Variants in PID1 observed in about 807,000 individuals in gnomAD.
PID1 encodes PTB-containing, cubilin and LRP1-interacting protein.
In PID1, 10 loss-of-function variants were observed where a neutral mutation model predicts 19.1. The ratio of observed to expected loss-of-function variants is 0.52; its 90% CI spans 0.32 to 0.89. The LOEUF (loss-of-function observed/expected upper bound fraction) is 0.89, where lower values mean the gene tolerates loss of function less well. Ranked by LOEUF, PID1 falls within the 40% of genes least tolerant of loss-of-function variation. The probability of loss-of-function intolerance (pLI) is 0.03; values close to 1 mark genes in which losing one functional copy is unlikely to be tolerated. For missense variants in PID1, 248 were observed against 285.3 expected (o/e 0.87, Z 0.94); for synonymous variants, 130 against 116.0 (o/e 1.12, Z -0.78).
At chr2:229,267,664 G>A (rs1287074872) in intron 1 of PID1, among the ~76,000 whole-genome samples, 1 of 152,152 alleles carries the variant, frequency 6.6e-6, no homozygotes, top group African/African-American at 2.4e-5. Context: ...CATTTGCTCT[G>A]AGAAAATACT....
chr2:229,247,091 A>G (rs1270401432), intron 1 of PID1, among the ~76,000 whole-genome samples: 1 of 152,238 alleles, frequency 6.6e-6, no homozygotes, highest in Non-Finnish European at 1.5e-5. Context: ...TATGGGGCAA[A>G]CTGAATACAA....
rs534366157 is a variant in PID1, at chr2:229,184,080, C to T, written c.31-28116G>A. Among the ~76,000 whole-genome samples the T allele has an allele frequency of 1.1e-3, 27 of 24,648 alleles. 13 individuals are homozygous for T. The highest frequency in any genetic ancestry group is 8.0e-3 in the African/African-American group (27 of 3,378). 16.2% of individuals were successfully genotyped at this position (24,648 alleles called of 152,430 possible). On this transcript the variant is annotated intron_variant, in intron 1 of 2. Transcript: ENST00000392055. The stretch of plus-strand genomic sequence containing the variant: ...CCATATATATATCCCATATGTATAT[C>T]CCATATATATATCCCATATGTATAT...
chr2:229,098,162 T>C (rs536169518), intron 2 of PID1, among the ~76,000 whole-genome samples: 4 of 152,330 alleles, frequency 2.6e-5, no homozygotes, highest in Admixed American at 2.6e-4. Flanking sequence ...AGGTGCGCTC[T>C]GTGCAAAACA....
intron 1 of PID1, among the ~76,000 whole-genome samples, chr2:229,164,379 G>A (rs1441461507): frequency 6.6e-6 from 1 of 152,102 alleles, no homozygotes; most frequent in South Asian, 2.1e-4. Context: ...CTAAGAGGGT[G>A]TGAGTCAGTG....
chr2:229,219,024 C>T (rs1238735684), intron 1 of PID1, among the ~76,000 whole-genome samples: 1 of 152,146 alleles, frequency 6.6e-6, no homozygotes, highest in Non-Finnish European at 1.5e-5. Context: ...CTCAAGCCAC[C>T]ACACTAATAC....
chr2:229,162,694 CTATT>C (rs1290430583), intron 1 of PID1, among the ~76,000 whole-genome samples: 4 of 152,170 alleles, frequency 2.6e-5, no homozygotes, highest in Admixed American at 6.5e-5. Context: ...CTTTGACATT[CTATT>C]TATAATCATG....
At chr2:229,060,556 T>C (rs1694190746) in intron 2 of PID1, among the ~76,000 whole-genome samples, 2 of 152,166 alleles carry the variant, frequency 1.3e-5, no homozygotes, top group African/African-American at 4.8e-5. Flanking sequence ...ATCTTGGCTA[T>C]TGCGAATAAT....
intron 2 of PID1, among the ~76,000 whole-genome samples, chr2:229,085,314 T>C (rs1256367569): frequency 6.6e-6 from 1 of 152,122 alleles, no homozygotes; most frequent in Non-Finnish European, 1.5e-5. Context: ...TCCCTTGGTC[T>C]TTCAAGAAGT....
At chr2:229,139,602 C>T (rs758038149) in intron 2 of PID1, among the ~76,000 whole-genome samples, 1 of 152,112 alleles carries the variant, frequency 6.6e-6, no homozygotes, top group Non-Finnish European at 1.5e-5. Flanking sequence ...TTCCTTTCTA[C>T]AAAGAAATCT....
chr2:229,074,271 C>A (rs753742015), intron 2 of PID1, among the ~76,000 whole-genome samples: 14 of 151,940 alleles, frequency 9.2e-5, no homozygotes, highest in Non-Finnish European at 1.6e-4. Context: ...GGAAAGAGAC[C>A]TGTCCCCAAA....
chr2:229,237,830 A>G (rs1377171199), intron 1 of PID1, among the ~76,000 whole-genome samples: 1 of 152,184 alleles, frequency 6.6e-6, no homozygotes, highest in Non-Finnish European at 1.5e-5. Flanking sequence ...CAAACCATGG[A>G]AAGGAAGTCT....
At chr2:229,215,078 TAAC>T (rs1691817015) in intron 1 of PID1, among the ~76,000 whole-genome samples, 1 of 152,140 alleles carries the variant, frequency 6.6e-6, no homozygotes, top group African/African-American at 2.4e-5. Context: ...CTCCCACAAA[TAAC>T]AACAATGTGG....
intron 2 of PID1, among the ~76,000 whole-genome samples, chr2:229,079,318 C>T (rs549468329): frequency 6.6e-6 from 1 of 152,288 alleles, no homozygotes; most frequent in African/African-American, 2.4e-5. Context: ...TTCATTGTGT[C>T]TACTTATCCT....
intron 2 of PID1, among the ~76,000 whole-genome samples, chr2:229,033,433 G>T (rs1183806384): frequency 1.3e-5 from 2 of 151,840 alleles, no homozygotes; most frequent in East Asian, 3.9e-4. Context: ...CACAAGAACA[G>T]AAAACCAAAC....
intron 1 of PID1, among the ~76,000 whole-genome samples, chr2:229,268,645 T>G (rs970203215): frequency 6.6e-6 from 1 of 152,164 alleles, no homozygotes; most frequent in African/African-American, 2.4e-5. Flanking sequence ...TGAGAAGGTT[T>G]ATAAAGATTT....
At chr2:229,113,061 G>A (rs964953761) in intron 2 of PID1, among the ~76,000 whole-genome samples, 6 of 152,106 alleles carry the variant, frequency 3.9e-5, no homozygotes, top group South Asian at 2.1e-4. Context: ...AAGTAGGAAC[G>A]TCTCCTAGAA....
intron 2 of PID1, among the ~76,000 whole-genome samples, chr2:229,049,121 T>C (rs1044001962): frequency 6.6e-6 from 1 of 152,166 alleles, no homozygotes; most frequent in Non-Finnish European, 1.5e-5. Flanking sequence ...GAAATAATTT[T>C]CCCATCTTTC....
intron 1 of PID1, among the ~76,000 whole-genome samples, chr2:229,214,853 T>C (rs943357514): frequency 2.0e-5 from 3 of 148,874 alleles, no homozygotes; most frequent in African/African-American, 7.4e-5. Context: ...TTTATATAGA[T>C]ACACACACAC....
At chr2:229,212,604 G>A (rs1691762385) in intron 1 of PID1, among the ~76,000 whole-genome samples, 1 of 152,084 alleles carries the variant, frequency 6.6e-6, no homozygotes, top group Non-Finnish European at 1.5e-5. Flanking sequence ...ATAGGAGTAG[G>A]GCACAAAGAT....
Sources: gnomAD v4.1 joint callset for allele counts (sites outside exome capture counted in the v4.1 genomes callset) on GRCh38, gnomAD v4.1.1 for gene constraint, MANE v1.5 for transcripts, NCBI Gene and HGNC (gene_info 2026-07-23, HGNC 2026-07-21) for gene names.